The following POLQ variants were observed in gnomAD, a reference collection of about 807,000 sequenced individuals.
POLQ encodes epididymis secretory sperm binding protein.
A neutral mutation model predicts 259.2 loss-of-function variants in POLQ; 233 were observed. The ratio of observed to expected loss-of-function variants is 0.90; its 90% CI spans 0.81 to 1.00. POLQ has a LOEUF of 1.00. POLQ is among the 50% of genes least tolerant of loss of function. The pLI, the probability that POLQ is intolerant of heterozygous loss-of-function variation, is 0.00. For synonymous variants in POLQ, 1,025 were observed against 1,048.8 expected (o/e 0.98, Z 0.44); for missense variants, 2,871 against 3,051.6 (o/e 0.94, Z 1.39).
intron 25 of POLQ, among the ~76,000 whole-genome samples, chr3:121,459,338 C>T (rs1191321765): frequency 6.9e-6 from 1 of 145,008 alleles, no homozygotes; most frequent in Non-Finnish European, 1.5e-5. Context: ...AAATATGGAA[C>T]TTTACCTCAG....
intron 20 of POLQ, among the ~76,000 whole-genome samples, chr3:121,475,171 A>G (rs1326895648): frequency 2.0e-5 from 3 of 151,988 alleles, no homozygotes; most frequent in Non-Finnish European, 4.4e-5. Flanking sequence ...CCCCTATCTA[A>G]AACTTTATAC....
At chr3:121,522,449 C>T (rs2048344354) in intron 7 of POLQ, among the ~76,000 whole-genome samples, 1 of 150,064 alleles carries the variant, frequency 6.7e-6, no homozygotes, top group Admixed American at 6.7e-5. Context: ...GTAGCTGGGA[C>T]TACAGGCGCC....
rs535959270 is a variant in POLQ, at chr3:121,452,438, A to T, written c.7153-3012T>A. On this transcript the variant is annotated intron_variant, in intron 25 of 29. Coordinates refer to ENST00000264233, the MANE Select transcript of POLQ (RefSeq NM_199420.4). ...ACTGCCCCCCACCGCCACGTTTTTTAATGCCTTTTTCCTTTCCTTTTTTTC... is the reference window on the plus strand; with the variant it reads ...ACTGCCCCCCACCGCCACGTTTTTTTATGCCTTTTTCCTTTCCTTTTTTTC... Among the ~76,000 whole-genome samples, 22 of 150,144 alleles carry T rather than the reference A, an allele frequency of 1.5e-4. No homozygotes were observed. The East Asian group carries it at 2.7e-3, about 19-fold the overall frequency.
In POLQ at chr3:121,437,379, C is replaced by A. The variant is rs2047552414; in HGVS notation, c.7390-1104G>T. On this transcript the variant is annotated intron_variant, in intron 27 of 29. Coordinates refer to ENST00000264233, the MANE Select transcript of POLQ (RefSeq NM_199420.4). ...CTCAACAGAAAAATTAAAAAGAAAA[C>A]CAGAATAGGTATTTACCCATGAAAA... Among the ~76,000 whole-genome samples the A allele has an allele frequency of 2.0e-5, 3 of 151,912 alleles. No individual in the cohort carries two copies. The South Asian group carries it at 6.2e-4, about 32-fold the overall frequency.
chr3:121,542,374 A>G (rs542340877), intron 2 of POLQ, among the ~76,000 whole-genome samples: 154 of 152,232 alleles, frequency 1.0e-3, no homozygotes, highest in African/African-American at 3.4e-3. Flanking sequence ...TGGGTGATAC[A>G]GTGAGACTCT....
intron 27 of POLQ, among the ~76,000 whole-genome samples, chr3:121,438,244 C>T (rs2047560773): frequency 6.6e-6 from 1 of 152,138 alleles, no homozygotes. Context: ...TCAGCAGCAA[C>T]ATAATGAATC....
At chr3:121,459,720 C>T (rs185781969) in intron 25 of POLQ, among the ~76,000 whole-genome samples, 22 of 152,228 alleles carry the variant, frequency 1.4e-4, no homozygotes, top group Non-Finnish European at 2.2e-4. Flanking sequence ...TGCACACATG[C>T]GGGTGTGTAC....
At chr3:121,523,125 C>G (rs1169698122) in intron 7 of POLQ, among the ~76,000 whole-genome samples, 1 of 152,154 alleles carries the variant, frequency 6.6e-6, no homozygotes, top group Non-Finnish European at 1.5e-5. Context: ...AAGCAATCCT[C>G]CTACCTCAGT....
intron 26 of POLQ, among the ~76,000 whole-genome samples, chr3:121,446,486 A>G (rs1213682989): frequency 6.6e-6 from 1 of 151,716 alleles, no homozygotes; most frequent in Non-Finnish European, 1.5e-5. Context: ...TTCTTTGTTG[A>G]TTTTCTGTCT....
At position 121,447,171 on chromosome 3, in the gene POLQ, CT is replaced by C. The variant is rs71133535; in HGVS notation, c.7264+2143del. ...GACTTGCAAATAATGTCTTATAACC[CT>C]TTTTTTTTTTTTTTTTGAGAAAGAG... On this transcript the variant is annotated intron_variant, in intron 26 of 29. Transcript: ENST00000264233. Among the ~76,000 whole-genome samples the C allele has an allele frequency of 3.0e-3, 382 of 127,442 alleles. 2 individuals carry two copies. Among genetic ancestry groups the C allele is most frequent in the Middle Eastern group, 8.5e-3 (2 of 236 alleles). 83.6% of individuals were successfully genotyped at this position (127,442 alleles called of 152,430 possible).
intron 19 of POLQ, among the ~76,000 whole-genome samples, chr3:121,481,131 T>C (rs2047966989): frequency 6.6e-6 from 1 of 152,280 alleles, no homozygotes; most frequent in East Asian, 1.9e-4. Flanking sequence ...AAGAAAAGAG[T>C]TAACTTTTTG....
Position 121,522,139 on chromosome 3 carries a change from T to C in POLQ, c.1119A>G (p.Lys373=). The stretch of plus-strand genomic sequence containing the variant: ...GAATTACTGGTGGGCATTCAGAGGG[T>C]TTCACCAATCCTGTCACAAAAAAAT... ...NLHHQAEGLV[K]PSECPPVILE... is the part of the protein sequence containing the mutation. Residue 373 remains lysine, a synonymous_variant, in exon 8 of 30, where the codon AAA becomes AAG. Transcript: ENST00000264233. The C allele has an allele frequency of 6.3e-7, 1 of 1,598,950 alleles. No individual in the cohort carries two copies. Among genetic ancestry groups the C allele is most frequent in the East Asian group, 2.2e-5 (1 of 44,706 alleles).
intron 26 of POLQ, among the ~76,000 whole-genome samples, chr3:121,443,450 A>AT (rs1386491340): frequency 2.0e-5 from 3 of 151,498 alleles, no homozygotes; most frequent in African/African-American, 7.3e-5. Context: ...TTAAAATCAG[A>AT]TTTTTTTTCT....
chr3:121,516,290 A>G (rs1223009099), intron 9 of POLQ, among the ~76,000 whole-genome samples: 1 of 152,200 alleles, frequency 6.6e-6, no homozygotes, highest in Admixed American at 6.5e-5. Flanking sequence ...AATCACATGA[A>G]TATAACACCT....
In POLQ at chr3:121,544,771, A is replaced by T; in HGVS notation, c.299T>A (p.Leu100His). The T allele has an allele frequency of 6.2e-7, 1 of 1,613,462 alleles. No homozygotes were observed. Among genetic ancestry groups the T allele is most frequent in the Non-Finnish European group, 8.5e-7 (1 of 1,179,452 alleles). Residue 100 changes from leucine to histidine, a missense_variant, in exon 2 of 30, where the codon CTT becomes CAT. This residue lies in a region of POLQ where 783 missense variants were observed against 906.2 expected (regional missense o/e 0.86). Transcript: ENST00000264233. Reference sequence around the variant, plus strand: ...TCCTTCCAGGACTTGTCCAAGCAAAAGGCACTCTGCCTGCCATTCAAACAT... The same window carrying T: ...TCCTTCCAGGACTTGTCCAAGCAAATGGCACTCTGCCTGCCATTCAAACAT... ...KKMFEWQAEC[L>H]LLGQVLEGKN...
chr3:121,444,796 G>T (rs2108775964), intron 26 of POLQ, among the ~76,000 whole-genome samples: 1 of 152,234 alleles, frequency 6.6e-6, no homozygotes, highest in Non-Finnish European at 1.5e-5. Context: ...CCAGTTTTTT[G>T]AGGGTTTTCA....
At chr3:121,536,137 G>T (rs946745540) in intron 5 of POLQ, among the ~76,000 whole-genome samples, 7 of 152,146 alleles carry the variant, frequency 4.6e-5, no homozygotes, top group Non-Finnish European at 7.3e-5. Context: ...AAAAGCAGAA[G>T]TAATCATATT....
intron 7 of POLQ, among the ~76,000 whole-genome samples, chr3:121,524,494 A>C (rs1468490922): frequency 6.6e-6 from 1 of 152,074 alleles, no homozygotes; most frequent in Non-Finnish European, 1.5e-5. Context: ...AAAAATATAT[A>C]CTATGATTAT....
chr3:121,538,916 T>A (rs1378434293), intron 4 of POLQ, among the ~76,000 whole-genome samples: 1 of 152,136 alleles, frequency 6.6e-6, no homozygotes, highest in Non-Finnish European at 1.5e-5. Context: ...TACCTCTACA[T>A]AATGGCCTTT....
Sources: gnomAD v4.1 joint callset for allele counts (sites outside exome capture counted in the v4.1 genomes callset) on GRCh38, gnomAD v4.1.1 for gene constraint, gnomAD v4.1.1 regional missense constraint, MANE v1.5 for transcripts, NCBI Gene and HGNC (gene_info 2026-07-23, HGNC 2026-07-21) for gene names.